SIGLEC1: variants seen among roughly 807,000 people sequenced by gnomAD.
SIGLEC1 encodes the protein sialoadhesin.
SIGLEC1 carries 132 observed loss-of-function variants against 148.0 expected under a neutral mutation model. The observed-to-expected ratio is 0.89, with a 90% CI of 0.77 to 1.03. SIGLEC1 has a LOEUF of 1.03. Ranked by LOEUF, SIGLEC1 falls within the 50% of genes least tolerant of loss-of-function variation. The probability of loss-of-function intolerance (pLI) is 0.00; values close to 1 mark genes in which losing one functional copy is unlikely to be tolerated. For synonymous variants in SIGLEC1, 945 were observed against 969.0 expected (o/e 0.98, Z 0.46); for missense variants, 2,253 against 2,271.4 (o/e 0.99, Z 0.16).
Position 3,688,524 on chromosome 20 carries a change from C to T in SIGLEC1, c.*36G>A. On this transcript the variant is annotated 3_prime_UTR_variant, in exon 22 of 22. Transcript: ENST00000344754. ...AGGCTGGAGTCATCACAGATTCTGG[C>T]CACTTTCTCCTCCGGAGGGCAGGCA... 1 of 1,543,460 alleles carries T rather than the reference C, an allele frequency of 6.5e-7. No homozygotes were observed. The highest frequency in any genetic ancestry group is 2.4e-5 in the East Asian group (1 of 42,242).
At chr20:3,695,648 C>T (rs1673532290) in intron 11 of SIGLEC1, among the ~76,000 whole-genome samples, 1 of 152,176 alleles carries the variant, frequency 6.6e-6, no homozygotes, top group African/African-American at 2.4e-5. Flanking sequence ...TCAATTTCTT[C>T]CTGCGAAATA....
intron 11 of SIGLEC1, 101 bp downstream of exon 11, chr20:3,696,484 GA>G: frequency 4.1e-6 from 5 of 1,206,202 alleles, no homozygotes; most frequent in Non-Finnish European, 5.7e-6. Context: ...GACTGAAAAA[GA>G]CATATTTCTG....
intron 1 of SIGLEC1, among the ~76,000 whole-genome samples, chr20:3,709,046 CAAAAAAAAA>C (rs375193019): frequency 1.2e-5 from 1 of 80,038 alleles, no homozygotes; most frequent in Non-Finnish European, 2.3e-5. Flanking sequence ...TCTTCTGTCT[CAAAAAAAAA>C]AAAAAAAAAA....
chr20:3,694,359 T>A lies in SIGLEC1; in HGVS notation c.3118A>T (p.Arg1040Trp), dbSNP rs1245759316. 1 of 1,613,132 alleles carries A rather than the reference T, an allele frequency of 6.2e-7. No homozygotes were observed. Among genetic ancestry groups the A allele is most frequent in the Non-Finnish European group, 8.5e-7 (1 of 1,179,954 alleles). Residue 1040 changes from arginine to tryptophan, a missense_variant, in exon 13 of 22, where the codon AGG becomes TGG. Physicochemically the swap from Arg to Trp is moderately radical, Grantham distance 101. Coordinates refer to ENST00000344754, the MANE Select transcript of SIGLEC1 (RefSeq NM_023068.4). Reference sequence around the variant, plus strand: ...TTGGGGGCCACAGCCACATGCAGCCTGGGAGAGCTGCCTTCGGGTCCCCCC... The same window carrying A: ...TTGGGGGCCACAGCCACATGCAGCCAGGGAGAGCTGCCTTCGGGTCCCCCC... ...GVGGPEGSSP[R>W]LHVAVAPNTL...
At chr20:3,705,637 T>A in intron 4 of SIGLEC1, 107 bp downstream of exon 4, 2 of 1,281,466 alleles carry the variant, frequency 1.6e-6, no homozygotes, top group South Asian at 2.8e-5. Context: ...GCAGCCTGGT[T>A]TTGCATCAGG....
Position 3,705,861 on chromosome 20 carries a change from C to T in SIGLEC1, c.589G>A (p.Gly197Ser), listed in dbSNP as rs2146531584. Residue 197 changes from glycine (G) to serine (S), a missense_variant, in exon 4 of 22, where the codon GGC becomes AGC. Transcript: ENST00000344754. ...GCCATGTGGAGGGTCTCCAGGTGGCCGACGCCGGTGGGCTCAAACTTCTGG... is the reference window on the plus strand; with the variant it reads ...GCCATGTGGAGGGTCTCCAGGTGGCTGACGCCGGTGGGCTCAAACTTCTGG... ...NSQKFEPTGV[G>S]HLETLHMAMS... 9 of 1,614,134 alleles carry T rather than the reference C, an allele frequency of 5.6e-6. 1 individual carries two copies. Among genetic ancestry groups the T allele is most frequent in the South Asian group, 5.5e-5 (5 of 91,086 alleles).
chr20:3,695,502 G>A lies in SIGLEC1; in HGVS notation c.2684-579C>T, dbSNP rs571015112. Among the ~76,000 whole-genome samples the A allele has an allele frequency of 2.0e-5, 3 of 152,340 alleles. No individual in the cohort carries two copies. The South Asian group carries it at 6.2e-4, about 32-fold the overall frequency. ...GGCAGCTCCTCAGTGGCCCCTGGGT[G>A]TGAAGCAGGAGAACCCCAGGTTGCA... On this transcript the variant is annotated intron_variant, in intron 11 of 21. Coordinates refer to ENST00000344754, the MANE Select transcript of SIGLEC1 (RefSeq NM_023068.4).
At chr20:3,690,798 T>C (rs538099842) in intron 18 of SIGLEC1, among the ~76,000 whole-genome samples, 2 of 151,854 alleles carry the variant, frequency 1.3e-5, no homozygotes, top group African/African-American at 4.8e-5. Flanking sequence ...GCACGCTTTA[T>C]TTCTTTTGGT....
chr20:3,689,508 G>C (rs761511550), intron 20 of SIGLEC1, 92 bp downstream of exon 20: 50 of 834,046 alleles, frequency 6.0e-5, no homozygotes, highest in Non-Finnish European at 9.3e-5. Flanking sequence ...GAACTTAATA[G>C]GAGGTCCTAA....
chr20:3,699,142 G>A, intron 8 of SIGLEC1, 60 bp downstream of exon 8: 9 of 1,578,504 alleles, frequency 5.7e-6, no homozygotes, highest in Non-Finnish European at 7.7e-6. Context: ...GGGGGGCCTA[G>A]AGGAGGTGGG....
chr20:3,696,572 A>T lies in SIGLEC1; in HGVS notation c.2683+14T>A. The T allele has an allele frequency of 6.3e-7, 1 of 1,591,318 alleles. No homozygotes were observed. On this transcript the variant is annotated intron_variant, in intron 11 of 21. Transcript: ENST00000344754. The stretch of plus-strand genomic sequence containing the variant: ...CATCAGAGTCTACCATATCTTCAGA[A>T]GACTGACACTCACCTCGGACCTGGA...
rs368167899 is a variant in SIGLEC1, at chr20:3,696,678, C to T, written c.2591G>A (p.Arg864Gln). The change falls in exon 11 of 22, where the codon CGA becomes CAA. Residue 864 changes from arginine (R) to glutamine (Q), a missense_variant. By Grantham distance (43) the Arg-to-Gln change is conservative. Coordinates refer to ENST00000344754, the MANE Select transcript of SIGLEC1 (RefSeq NM_023068.4). ...AEANSLKLEV[R>Q]ELGLGDSGSY... is the part of the protein sequence containing the mutation. The stretch of plus-strand genomic sequence containing the variant: ...GCCAGAGTCCCCAAGGCCCAGTTCT[C>T]GGACCTCTAACTTCAGGGAGTTGGC... The T allele has an allele frequency of 7.1e-5, 114 of 1,613,830 alleles. No individual in the cohort carries two copies. Among genetic ancestry groups the T allele is most frequent in the East Asian group, 2.5e-4 (11 of 44,882 alleles).
At position 3,710,185 on chromosome 20, in the gene SIGLEC1, C is replaced by A. The variant is rs1036898626; in HGVS notation, c.-110+2285G>T. Reference sequence around the variant, plus strand: ...AAACTCATGACCTCCCAGCTCCCAGCCCATCCGCCTCAGGGGCTGGGCTCA... The same window carrying A: ...AAACTCATGACCTCCCAGCTCCCAGACCATCCGCCTCAGGGGCTGGGCTCA... On this transcript the variant is annotated intron_variant, in intron 1 of 21. Coordinates refer to ENST00000344754, the MANE Select transcript of SIGLEC1 (RefSeq NM_023068.4). The surrounding 1 kb of genome is among the most constrained non-coding windows in gnomAD (Gnocchi z 4.6). Among the ~76,000 whole-genome samples, 1 of 152,150 alleles carries A rather than the reference C, an allele frequency of 6.6e-6. No homozygotes were observed. The highest frequency in any genetic ancestry group is 1.5e-5 in the Non-Finnish European group (1 of 68,030).
At chr20:3,711,451 C>T (rs899756282) in intron 1 of SIGLEC1, among the ~76,000 whole-genome samples, 1 of 152,120 alleles carries the variant, frequency 6.6e-6, no homozygotes, top group Non-Finnish European at 1.5e-5. Flanking sequence ...GAAGAAAGGG[C>T]AGAGGCAGTT....
chr20:3,711,364 T>C (rs2087927739), intron 1 of SIGLEC1, among the ~76,000 whole-genome samples: 1 of 152,232 alleles, frequency 6.6e-6, no homozygotes, highest in Admixed American at 6.5e-5. Flanking sequence ...TGAGACCAAG[T>C]GCCTCAGGAG....
chr20:3,697,925 G>A lies in SIGLEC1; in HGVS notation c.1995C>T (p.Val665=), dbSNP rs1359300359. The A allele has an allele frequency of 1.2e-6, 2 of 1,613,040 alleles. No homozygotes were observed. The highest frequency in any genetic ancestry group is 3.3e-5 in the Admixed American group (2 of 60,012). The stretch of plus-strand genomic sequence containing the variant: ...CACGCAGCAAGTTGGGGGCTTTGGT[G>A]ACCTTCATGCGTGGGGAACAGCCCC... ...TCGGCSPRMK[V]TKAPNLLRVE... Residue 665 remains valine, a synonymous_variant, in exon 9 of 22, where the codon GTC becomes GTT. Coordinates refer to ENST00000344754, the MANE Select transcript of SIGLEC1 (RefSeq NM_023068.4).
At chr20:3,699,587 C>T in intron 7 of SIGLEC1, 128 bp from the exon 8 acceptor site, 4 of 1,242,182 alleles carry the variant, frequency 3.2e-6, no homozygotes, top group Non-Finnish European at 3.3e-6. Context: ...TGTGGTGCAT[C>T]AGGAGGGTTT....
At position 3,691,472 on chromosome 20, in the gene SIGLEC1, G is replaced by A. The variant is rs16988873; in HGVS notation, c.4459C>T (p.Arg1487Trp). 2.0e-3 allele frequency: 3,206 copies of A among 1,613,430 alleles called. 46 individuals are homozygous for A. The African/African-American group carries it at 0.037, about 19-fold the overall frequency. ...GTGGGCACAGGCTCCGCGTGCAGCC[G>A]CCGGTCATTCCAGAACCATGCAAAG... ...STFAWFWNDR[R>W]LHAEPVPTLA... Residue 1487 changes from arginine (R) to tryptophan (W), a missense_variant, in exon 18 of 22, where the codon CGG (arginine) becomes TGG (tryptophan). Transcript: ENST00000344754.
chr20:3,707,134 G>C lies in SIGLEC1; in HGVS notation c.-6C>G, dbSNP rs745686973. ...AGCTTGGGCAAGAAGCCCATAGCAG[G>C]TTCTTGTGCTGCTCCTGTTGCCTAA... On this transcript the variant is annotated 5_prime_UTR_variant, in exon 2 of 22. Transcript: ENST00000344754. 1 of 1,613,812 alleles carries C rather than the reference G, an allele frequency of 6.2e-7. No homozygotes were observed. The highest frequency in any genetic ancestry group is 1.3e-5 in the African/African-American group (1 of 74,942).
Sources: allele counts gnomAD v4.1 joint callset (sites outside exome capture counted in the v4.1 genomes callset), GRCh38; gene constraint gnomAD v4.1.1; non-coding constraint Gnocchi (gnomAD v3.1); transcripts MANE v1.5; gene names NCBI Gene and HGNC (gene_info 2026-07-23, HGNC 2026-07-21).